HECTD3: variants seen among roughly 807,000 people sequenced by gnomAD.
HECTD3 encodes HECT domain E3 ubiquitin protein ligase 3, also known as E3 ubiquitin-protein ligase HECTD3.
Under a neutral mutation model 109.3 loss-of-function variants are expected in HECTD3, and 72 were observed. That is an observed-to-expected ratio of 0.66 (90% CI 0.54 to 0.80). The LOEUF (loss-of-function observed/expected upper bound fraction) is 0.80. Among genes scored for constraint, HECTD3 ranks in the 30% least tolerant of loss-of-function variants. The pLI is 0.00. For synonymous variants in HECTD3, 481 were observed against 471.8 expected, an observed-to-expected ratio of 1.02 and a Z score of -0.25; for missense variants, 1,041 against 1,165.2, an observed-to-expected ratio of 0.89 and a Z score of 1.55.
Position 45,007,126 on chromosome 1 carries a change from TTGTGTGTGTGTGTGTGTGTG to T in HECTD3, c.1556+73_1556+92del, listed in dbSNP as rs56343463. ...TCATGGCGAGGGGTGCCTCGAGCAG[TTGTGTGTGTGTGTGTGTGTG>T]TGTGTGTGTGTTTGTGTGTGTTTGT... On this transcript the variant is annotated intron_variant, in intron 11 of 20. Coordinates refer to ENST00000372172, the MANE Select transcript of HECTD3 (RefSeq NM_024602.6). 21 of 1,251,798 alleles carry T rather than the reference TTGTGTGTGTGTGTGTGTGTG, an allele frequency of 1.7e-5. 1 individual carries two copies. Among genetic ancestry groups the T allele is most frequent in the South Asian group, 6.4e-5 (5 of 77,604 alleles). 77.5% of individuals were successfully genotyped at this position (1,251,798 alleles called of 1,614,324 possible).
chr1:45,006,041 T>C lies in HECTD3; in HGVS notation c.1801A>G (p.Ile601Val). 1.9e-6 allele frequency: 3 copies of C among 1,614,122 alleles called. No homozygotes were observed. The highest frequency in any genetic ancestry group is 2.5e-6 in the Non-Finnish European group (3 of 1,180,020). ...SCRDFAKYEW[I>V]GQLMGAALRG... ...AGGGCAGCCCCCATCAGCTGTCCGA[T>C]CCATTCATACTTGGCAAAGTCTCGG... Residue 601 changes from isoleucine (I) to valine (V), a missense_variant, in exon 14 of 21, where the codon ATC becomes GTC. Around this residue, in one of 2 missense-constraint regions of HECTD3, gnomAD observed 569 missense variants for 715.3 expected, o/e 0.80. Coordinates refer to ENST00000372172, the MANE Select transcript of HECTD3 (RefSeq NM_024602.6). This position sits in a 1 kb window ranked among gnomAD's most constrained non-coding sequence, Gnocchi z 4.7.
chr1:45,004,674 C>T lies in HECTD3; in HGVS notation c.2068G>A (p.Val690Ile), dbSNP rs75586344. The T allele has an allele frequency of 2.7e-5, 43 of 1,614,086 alleles. No individual in the cohort carries two copies. Among genetic ancestry groups the T allele is most frequent in the East Asian group, 6.7e-5 (3 of 44,896 alleles). Residue 690 changes from valine to isoleucine, a missense_variant, in exon 16 of 21, where the codon GTC (valine) becomes ATC (isoleucine). Around this residue, in one of 2 missense-constraint regions of HECTD3, gnomAD observed 569 missense variants for 715.3 expected, o/e 0.80. Coordinates refer to ENST00000372172, the MANE Select transcript of HECTD3 (RefSeq NM_024602.6). ...VELIPGGAGI[V>I]VGYGDRSRFI... Reference sequence around the variant, plus strand: ...CGAGAACGGTCCCCATATCCCACGACGATGCCTGCACCCCCAGGGATCAGC... The same window carrying T: ...CGAGAACGGTCCCCATATCCCACGATGATGCCTGCACCCCCAGGGATCAGC...
chr1:45,005,465 G>A (rs1441890522), intron 15 of HECTD3: 1 of 262,706 alleles, frequency 3.8e-6, no homozygotes, highest in African/African-American at 2.2e-5. Context: ...TTGGGATGGG[G>A]AGGAGTGGGA....
Position 45,008,221 on chromosome 1 carries a change from A to C in HECTD3, c.1320+19T>G, listed in dbSNP as rs1302880578. On this transcript the variant is annotated intron_variant, in intron 9 of 20. Coordinates refer to ENST00000372172, the MANE Select transcript of HECTD3 (RefSeq NM_024602.6). Reference sequence around the variant, plus strand: ...AGGAAGGGGAAATGCCAAGACCAGCACTGGCTGGGTCGGCTCACCTTAATC... The same window carrying C: ...AGGAAGGGGAAATGCCAAGACCAGCCCTGGCTGGGTCGGCTCACCTTAATC... The C allele has an allele frequency of 1.9e-6, 3 of 1,598,674 alleles. No homozygotes were observed. In the Admixed American group the frequency reaches 5.0e-5, roughly 27 times the overall value.
rs962703741 is a variant in HECTD3 at position 45,009,824 on chromosome 1, T to C, written c.760-141A>G. 7.6e-6 allele frequency: 8 copies of C among 1,057,358 alleles called. No homozygotes were observed. In the Admixed American group the frequency reaches 1.1e-4, roughly 15 times the overall value. The allele number at this position is 1,057,358 out of a possible 1,614,324, so 65.5% of individuals were successfully genotyped here. On this transcript the variant is annotated intron_variant, in intron 4 of 20. Coordinates refer to ENST00000372172, the MANE Select transcript of HECTD3 (RefSeq NM_024602.6). The stretch of plus-strand genomic sequence containing the variant: ...TGGTATGGGATAGGGGGCCGCTGGG[T>C]ATGTAAGGGGTCCTATAGACGTCCA...
chr1:45,003,689 G>A lies in HECTD3; in HGVS notation c.2481C>T (p.Leu827=), dbSNP rs1210270270. 46 of 1,614,038 alleles carry A rather than the reference G, an allele frequency of 2.8e-5. No homozygotes were observed. Among genetic ancestry groups the A allele is most frequent in the Non-Finnish European group, 3.8e-5 (45 of 1,180,028 alleles). The change falls in exon 20 of 21, where the codon CTC becomes CTT. Residue 827 remains leucine, a synonymous_variant. Coordinates refer to ENST00000372172, the MANE Select transcript of HECTD3 (RefSeq NM_024602.6). This position sits in a 1 kb window ranked among gnomAD's most constrained non-coding sequence, Gnocchi z 4.7. The part of the protein sequence containing the change: ...LPESSTCSST[L]FLPHYASAKV... ...CCCACCTGGCATAGTGTGGCAGGAA[G>A]AGGGTGCTGGAGCAAGTGGAAGACT...
chr1:45,007,145 TG>T (rs1644742875), intron 11 of HECTD3, 73 bp downstream of exon 11: 4 of 1,444,686 alleles, frequency 2.8e-6, no homozygotes, highest in African/African-American at 2.9e-5. Flanking sequence ...TGTGTGTGTG[TG>T]TGTGTGTGTG....
chr1:45,003,872 G>A lies in HECTD3; in HGVS notation c.2412C>T (p.Ile804=). The A allele has an allele frequency of 6.2e-7, 1 of 1,613,550 alleles. No homozygotes were observed. Among genetic ancestry groups the A allele is most frequent in the Non-Finnish European group, 8.5e-7 (1 of 1,179,694 alleles). The change falls in exon 19 of 21, where the codon ATC becomes ATT. Residue 804 remains isoleucine, a synonymous_variant. Coordinates refer to ENST00000372172, the MANE Select transcript of HECTD3 (RefSeq NM_024602.6). The surrounding 1 kb of genome is among the most constrained non-coding windows in gnomAD (Gnocchi z 4.7). Reference sequence around the variant, plus strand: ...GCACTCACCCCAGCTTGTCTGGGTAGATGTAGATCCGTGCTGGCAGGCGAC... The same window carrying A: ...GCACTCACCCCAGCTTGTCTGGGTAAATGTAGATCCGTGCTGGCAGGCGAC... The part of the protein sequence containing the change: ...GRSRLPARIY[I]YPDKLGYETT...
Position 45,010,652 on chromosome 1 carries a change from C to T in HECTD3, c.424G>A (p.Val142Met), listed in dbSNP as rs1557731073. Residue 142 changes from valine (V) to methionine (M), a missense_variant, in exon 2 of 21, where the codon GTG becomes ATG. Coordinates refer to ENST00000372172, the MANE Select transcript of HECTD3 (RefSeq NM_024602.6). ...DCGLQEGWLL[V>M]CRPAEGGARL... ...GCTCCGCCCTCCGCCGGGCGGCACACCAGCAGCCAGCCTTCCTGCAGCCCG... is the reference window on the plus strand; with the variant it reads ...GCTCCGCCCTCCGCCGGGCGGCACATCAGCAGCCAGCCTTCCTGCAGCCCG... 5.0e-6 allele frequency: 8 copies of T among 1,597,250 alleles called. No individual in the cohort carries two copies. In the African/African-American group the frequency reaches 5.3e-5, roughly 11 times the overall value.
chr1:45,009,775 A>G, intron 4 of HECTD3, 92 bp from the exon 5 acceptor site: 1 of 1,180,876 alleles, frequency 8.5e-7, no homozygotes, highest in Non-Finnish European at 1.2e-6. Flanking sequence ...GAGAAAGCAT[A>G]GTGAAGTTGG....
rs1644736510 is a variant in HECTD3 at position 45,006,496 on chromosome 1, GC to G, written c.1725+195del. On this transcript the variant is annotated intron_variant, in intron 13 of 20. Transcript: ENST00000372172. This position sits in a 1 kb window ranked among gnomAD's most constrained non-coding sequence, Gnocchi z 4.7. Reference sequence around the variant, plus strand: ...AATTTTTTATTTTTATAGAGATGGGGCTTCACTTCATTGGCCAGGCTGGTCT... The same window carrying G: ...AATTTTTTATTTTTATAGAGATGGGGTTCACTTCATTGGCCAGGCTGGTCT... Among the ~76,000 whole-genome samples the G allele has an allele frequency of 6.6e-6, 1 of 152,052 alleles. No individual in the cohort carries two copies.
In HECTD3 at chr1:45,009,036, C is replaced by T. The variant is rs559924437; in HGVS notation, c.1072+108G>A. 1.6e-5 allele frequency: 15 copies of T among 911,956 alleles called. No homozygotes were observed. The East Asian group carries it at 2.8e-4, about 17-fold the overall frequency. The allele number at this position is 911,956 out of a possible 1,614,324, so 56.5% of individuals were successfully genotyped here. ...CCAAATCCTGGAGTTAGTTCAGCAT[C>T]GCCTTCACCCCAACTCCAAGCCCAT... is the stretch of plus-strand genomic sequence containing the variant. On this transcript the variant is annotated intron_variant, in intron 7 of 20. Transcript: ENST00000372172.
intron 15 of HECTD3, 190 bp from the exon 16 acceptor site, chr1:45,004,996 G>A (rs1644721960): frequency 1.6e-6 from 1 of 621,256 alleles, no homozygotes; most frequent in Non-Finnish European, 2.9e-6. Context: ...TTGGAGGCCA[G>A]AGGAGGCATC....
In HECTD3 at chr1:45,008,521, C is replaced by T. The variant is rs779819220; in HGVS notation, c.1238+15G>A. 17 of 1,611,334 alleles carry T rather than the reference C, an allele frequency of 1.1e-5. No individual in the cohort carries two copies. The highest frequency in any genetic ancestry group is 4.0e-5 in the African/African-American group (3 of 74,858). ...GGGGGAAGGGAAGGGCCCATAGGTC[C>T]AGGACCACAGCCACCTCTGCAGGAG... On this transcript the variant is annotated intron_variant, in intron 8 of 20. Transcript: ENST00000372172.
intron 7 of HECTD3, 62 bp from the exon 8 acceptor site, chr1:45,008,763 C>T (rs1644758262): frequency 6.6e-7 from 1 of 1,515,698 alleles, no homozygotes; most frequent in Admixed American, 1.7e-5. Context: ...GCCCTCAGAC[C>T]TGGGACCGGC....
Position 45,011,076 on chromosome 1 carries a change from A to T in HECTD3, c.182T>A (p.Val61Glu). 6.9e-7 allele frequency: 1 copy of T among 1,459,494 alleles called. No homozygotes were observed. Among genetic ancestry groups the T allele is most frequent in the Non-Finnish European group, 9.0e-7 (1 of 1,109,024 alleles). 90.4% of individuals were successfully genotyped at this position (1,459,494 alleles called of 1,614,324 possible). A position where few individuals can be genotyped will look rare whatever the true frequency, so the allele number is the denominator to read the frequency against. ...CTCTGCCTCCCACACCGGCAGAAGC[A>T]CGCGCGACGGTCCCGCTGGGTCCTT... Reference protein sequence around the residue: ...LYKDPAGPSRVLLPVWEAEGL... With the variant: ...LYKDPAGPSRELLPVWEAEGL... The change falls in exon 1 of 21, where the codon GTG (valine) becomes GAG (glutamate). Residue 61 changes from valine (V) to glutamate (E), a missense_variant. Physicochemically the swap from Val to Glu is moderately radical, Grantham distance 121. Coordinates refer to ENST00000372172, the MANE Select transcript of HECTD3 (RefSeq NM_024602.6).
At position 45,009,526 on chromosome 1, in the gene HECTD3, G is replaced by A. The variant is rs1260069972; in HGVS notation, c.875+42C>T. 8 of 1,605,548 alleles carry A rather than the reference G, an allele frequency of 5.0e-6. No homozygotes were observed. The South Asian group carries it at 7.7e-5, about 15-fold the overall frequency. ...AATATGAGTCTTTGTGAACCCACAG[G>A]GACATAGCCCACCCACCCTGTCCTG... On this transcript the variant is annotated intron_variant, in intron 5 of 20. Coordinates refer to ENST00000372172, the MANE Select transcript of HECTD3 (RefSeq NM_024602.6).
intron 15 of HECTD3, chr1:45,005,170 G>T: frequency 2.6e-6 from 1 of 383,576 alleles, no homozygotes; most frequent in Non-Finnish European, 4.9e-6. Flanking sequence ...CAGGGTTCAC[G>T]TAAGGCCTTT....
chr1:45,005,584 T>A (rs917341773), intron 15 of HECTD3: 4 of 465,184 alleles, frequency 8.6e-6, no homozygotes, highest in African/African-American at 7.9e-5. Context: ...AGGGTACAGA[T>A]ACATATATGG....
Sources: gnomAD v4.1 joint callset for allele counts (sites outside exome capture counted in the v4.1 genomes callset) on GRCh38, gnomAD v4.1.1 for gene constraint, gnomAD v4.1.1 regional missense constraint, Gnocchi (gnomAD v3.1) non-coding constraint, MANE v1.5 for transcripts, NCBI Gene and HGNC (gene_info 2026-07-23, HGNC 2026-07-21) for gene names.